The following ARHGEF11 variants were observed in gnomAD, a reference collection of about 807,000 sequenced individuals.
The protein encoded by ARHGEF11 is Rho guanine exchange factor (GEF) 11.
A neutral mutation model predicts 193.7 loss-of-function variants in ARHGEF11; 55 were observed. That is an observed-to-expected ratio of 0.28 (90% CI 0.23 to 0.36). The LOEUF (loss-of-function observed/expected upper bound fraction) is 0.36. ARHGEF11 is among the 10% of genes least tolerant of loss of function. The pLI is 1.00. For synonymous variants in ARHGEF11, 693 were observed against 768.0 expected (o/e 0.90, Z 1.62); for missense variants, 1,723 against 2,005.6 (o/e 0.86, Z 2.69).
intron 1 of ARHGEF11, among the ~76,000 whole-genome samples, chr1:156,997,847 GTAT>G (rs1666740236): frequency 6.6e-6 from 1 of 151,346 alleles, no homozygotes. Flanking sequence ...AATTTCACCT[GTAT>G]TATTTTTTTT....
Position 156,938,466 on chromosome 1 carries a change from G to A in ARHGEF11, c.4144C>T (p.Gln1382Ter). The A allele has an allele frequency of 6.2e-7, 1 of 1,613,868 alleles. No homozygotes were observed. The highest frequency in any genetic ancestry group is 8.5e-7 in the Non-Finnish European group (1 of 1,179,884). Reference protein sequence around the residue: ...KVVPALPESGQSEPGPPEVEG... With the variant: ...KVVPALPESG The stretch of plus-strand genomic sequence containing the variant: ...ACTTCAGGTGGCCCAGGCTCTGACT[G>A]GCCACTCTCTGGTAGTGCAGGGACA... The change falls in exon 38 of 41, where the codon CAG becomes TAG. Residue 1382 changes from glutamine (Q) to a stop codon, truncating the protein, a stop_gained. Transcript: ENST00000368194. LOFTEE classifies it high-confidence loss of function.
At chr1:157,006,664 A>G (rs1667865687) in intron 1 of ARHGEF11, among the ~76,000 whole-genome samples, 2 of 152,218 alleles carry the variant, frequency 1.3e-5, no homozygotes, top group African/African-American at 4.8e-5. Context: ...AGTCAGGCAG[A>G]TCTGGCTTTC....
chr1:156,956,400 C>G lies in ARHGEF11; in HGVS notation c.1671+20G>C. 2.5e-6 allele frequency: 4 copies of G among 1,612,772 alleles called. No homozygotes were observed. The highest frequency in any genetic ancestry group is 3.4e-6 in the Non-Finnish European group (4 of 1,179,122). ...AAAGTACTAGGATTACAGGCATGAG[C>G]CACCATGCCCGGCCCTCACCTTCTT... On this transcript the variant is annotated intron_variant, in intron 19 of 40. Coordinates refer to ENST00000368194, the MANE Select transcript of ARHGEF11 (RefSeq NM_198236.3).
chr1:157,010,059 TGTG>T (rs1350416877), intron 1 of ARHGEF11, among the ~76,000 whole-genome samples: 1 of 152,130 alleles, frequency 6.6e-6, no homozygotes, highest in Non-Finnish European at 1.5e-5. Flanking sequence ...CTGGGCTGGG[TGTG>T]ATGGCTCATG....
chr1:156,985,951 T>G (rs1364241329), intron 2 of ARHGEF11, 131 bp downstream of exon 2: 3 of 687,394 alleles, frequency 4.4e-6, no homozygotes, highest in African/African-American at 3.6e-5. Context: ...GACACCTGAC[T>G]GGCATAGCAC....
At chr1:156,990,376 AT>A (rs1382877031) in intron 1 of ARHGEF11, among the ~76,000 whole-genome samples, 2 of 152,228 alleles carry the variant, frequency 1.3e-5, no homozygotes, top group East Asian at 3.9e-4. Flanking sequence ...TATTCCTGAG[AT>A]TTTTTCAATG....
chr1:157,000,104 G>T (rs1572411), intron 1 of ARHGEF11, among the ~76,000 whole-genome samples: 125,180 of 152,206 alleles, frequency 0.82, 52,104 homozygotes, highest in East Asian at 1. Context: ...GCTGGAATTA[G>T]AGCGTGTGTC....
chr1:156,988,795 T>C (rs1210664305), intron 1 of ARHGEF11, among the ~76,000 whole-genome samples: 2 of 152,020 alleles, frequency 1.3e-5, no homozygotes, highest in East Asian at 1.9e-4. Flanking sequence ...TTGCAACAGA[T>C]GCAAAAAAAA....
Position 156,946,964 on chromosome 1 carries a change from T to C in ARHGEF11, c.2540A>G (p.Lys847Arg). 1 of 1,614,108 alleles carries C rather than the reference T, an allele frequency of 6.2e-7. No homozygotes were observed. The highest frequency in any genetic ancestry group is 1.3e-5 in the African/African-American group (1 of 75,022). The change falls in exon 27 of 41, where the codon AAA becomes AGA. Residue 847 changes from lysine to arginine, a missense_variant. Lys to Arg is a conservative substitution (Grantham distance 26, BLOSUM62 2). Transcript: ENST00000368194. The stretch of plus-strand genomic sequence containing the variant: ...GGCCAGCATGAGGTCACTGATCTCT[T>C]TGATGATGGGGCCTTCCTCCCGGAG... ...KKLREEGPII[K>R]EISDLMLARF...
At chr1:156,993,703 T>A (rs1666091616) in intron 1 of ARHGEF11, among the ~76,000 whole-genome samples, 1 of 152,194 alleles carries the variant, frequency 6.6e-6, no homozygotes, top group African/African-American at 2.4e-5. Flanking sequence ...TAACTTTCTA[T>A]GGATTCTGCC....
In ARHGEF11 at chr1:156,973,042, CTTTTT is replaced by C. The variant is rs899610264; in HGVS notation, c.583-1231_583-1227del. On this transcript the variant is annotated intron_variant, in intron 7 of 40. Coordinates refer to ENST00000368194, the MANE Select transcript of ARHGEF11 (RefSeq NM_198236.3). ...TTGTTTCCCCTTCTTTTCACAGCCA[CTTTTT>C]TTTCTTTTTTTGTAAAGGGATATGA... 5.9e-4 allele frequency among the ~76,000 whole-genome samples: 89 copies of C among 151,972 alleles called. 1 individual carries two copies. Among genetic ancestry groups the C allele is most frequent in the Non-Finnish European group, 2.9e-5 (2 of 67,982 alleles).
At chr1:156,970,570 A>G (rs954140896) in intron 8 of ARHGEF11, among the ~76,000 whole-genome samples, 2 of 152,324 alleles carry the variant, frequency 1.3e-5, no homozygotes, top group Non-Finnish European at 1.5e-5. Context: ...CATGTTATCA[A>G]TGAGGAAACA....
chr1:156,984,291 G>A, intron 3 of ARHGEF11, 48 bp downstream of exon 3: 1 of 1,433,908 alleles, frequency 7.0e-7, no homozygotes, highest in Non-Finnish European at 9.6e-7. Flanking sequence ...CATACATGGT[G>A]GCTTTGCAAG....
At chr1:156,995,490 T>G (rs2102603332) in intron 1 of ARHGEF11, among the ~76,000 whole-genome samples, 1 of 152,252 alleles carries the variant, frequency 6.6e-6, no homozygotes, top group Non-Finnish European at 1.5e-5. Flanking sequence ...TGAGTTTCCC[T>G]GAAATTTACC....
At position 156,939,418 on chromosome 1, in the gene ARHGEF11, C is replaced by T. The variant is rs563319172; in HGVS notation, c.4096+130G>A. 1.3e-5 allele frequency: 17 copies of T among 1,324,444 alleles called. No homozygotes were observed. The Admixed American group carries it at 2.4e-4, about 19-fold the overall frequency. 82.0% of individuals were successfully genotyped at this position (1,324,444 alleles called of 1,614,324 possible). The stretch of plus-strand genomic sequence containing the variant: ...TGATATCGGCGTTGTCTCCTTCTTC[C>T]AGGACCCAGCGTAGGTCTCTGCTCA... On this transcript the variant is annotated intron_variant, in intron 37 of 40. Transcript: ENST00000368194.
Position 156,946,985 on chromosome 1 carries a change from C to A in ARHGEF11, c.2519G>T (p.Arg840Leu). 1 of 1,614,102 alleles carries A rather than the reference C, an allele frequency of 6.2e-7. No homozygotes were observed. Among genetic ancestry groups the A allele is most frequent in the Non-Finnish European group, 8.5e-7 (1 of 1,180,020 alleles). The change falls in exon 27 of 41, where the codon CGG becomes CTG. Residue 840 changes from arginine to leucine, a missense_variant. Transcript: ENST00000368194. ...NSWCEAMKKLREEGPIIKEIS... is the reference protein window; with the variant it reads ...NSWCEAMKKLLEEGPIIKEIS... ...CTCTTTGATGATGGGGCCTTCCTCC[C>A]GGAGCTTCTTCATGGCTTCACACCA...
intron 32 of ARHGEF11, among the ~76,000 whole-genome samples, chr1:156,943,420 T>C (rs1657491175): frequency 6.6e-6 from 1 of 152,178 alleles, no homozygotes; most frequent in Non-Finnish European, 1.5e-5. Flanking sequence ...AGAGGTAGGG[T>C]AGGTATCACT....
intron 35 of ARHGEF11, among the ~76,000 whole-genome samples, chr1:156,940,983 G>A (rs947800319): frequency 9.2e-5 from 14 of 152,260 alleles, no homozygotes; most frequent in African/African-American, 3.4e-4. Context: ...TGCATCTTAA[G>A]CCCTTTGAGC....
rs555963536 is a variant in ARHGEF11 at position 156,937,548 on chromosome 1, C to A, written c.4193-52G>T. The A allele has an allele frequency of 3.3e-6, 5 of 1,496,138 alleles. No homozygotes were observed. The South Asian group carries it at 6.8e-5, about 20-fold the overall frequency. 92.7% of individuals were successfully genotyped at this position (1,496,138 alleles called of 1,614,324 possible). A position where few individuals can be genotyped will look rare whatever the true frequency, so the allele number is the denominator to read the frequency against. ...CAGGAGGCAAACAGAGAAGTCGAAG[C>A]TATCCTCCCGTTCCTGTGGGATTCC... On this transcript the variant is annotated intron_variant, in intron 38 of 40. Coordinates refer to ENST00000368194, the MANE Select transcript of ARHGEF11 (RefSeq NM_198236.3).
Sources: allele counts gnomAD v4.1 joint callset (sites outside exome capture counted in the v4.1 genomes callset), GRCh38; gene constraint gnomAD v4.1.1; transcripts MANE v1.5; gene names NCBI Gene and HGNC (gene_info 2026-07-23, HGNC 2026-07-21).